Variants in ATRNL1 observed in about 807,000 individuals in gnomAD.
The protein encoded by ATRNL1 is attractin-like protein 1.
Under a neutral mutation model 182.7 loss-of-function variants are expected in ATRNL1, and 95 were observed. The observed-to-expected ratio is 0.52, with a 90% CI of 0.44 to 0.62. The LOEUF is 0.62. Ranked by LOEUF, ATRNL1 falls within the 20% of genes least tolerant of loss-of-function variation. The probability of loss-of-function intolerance (pLI) is 0.00; values close to 1 mark genes in which losing one functional copy is unlikely to be tolerated. For synonymous variants in ATRNL1, 576 were observed against 568.3 expected (o/e 1.01, Z -0.19); for missense variants, 1,471 against 1,679.5 (o/e 0.88, Z 2.17).
chr10:115,737,707 T>C (rs1215027912), intron 27 of ATRNL1, among the ~76,000 whole-genome samples: 1 of 152,134 alleles, frequency 6.6e-6, no homozygotes, highest in African/African-American at 2.4e-5. Context: ...AAGCCATCCA[T>C]TTCCTACAGA....
At chr10:115,164,541 C>T (rs955807552) in intron 6 of ATRNL1, among the ~76,000 whole-genome samples, 52 of 152,178 alleles carry the variant, frequency 3.4e-4, no homozygotes, top group African/African-American at 1.3e-3. Flanking sequence ...AGATTTATTG[C>T]AGCACTATTT....
intron 22 of ATRNL1, among the ~76,000 whole-genome samples, chr10:115,462,517 C>G (rs1847861850): frequency 6.6e-6 from 1 of 151,888 alleles, no homozygotes. Flanking sequence ...GAGGCTGAGG[C>G]AGGAGATTTG....
At chr10:115,794,576 G>C (rs1949605937) in intron 27 of ATRNL1, among the ~76,000 whole-genome samples, 2 of 152,016 alleles carry the variant, frequency 1.3e-5, no homozygotes, top group Admixed American at 1.3e-4. Context: ...ATGGATTTTA[G>C]AATGTCCCTC....
Position 115,865,970 on chromosome 10 carries a change from T to C in ATRNL1, c.4018+17979T>C, listed in dbSNP as rs896146459. ...TAGAAATAGTGACTTTTAAATAGTT[T>C]GTGGATTTTTTTTCTCTAATTCTGC... On this transcript the variant is annotated intron_variant, in intron 28 of 28. Coordinates refer to ENST00000355044, the MANE Select transcript of ATRNL1 (RefSeq NM_207303.4). Among the ~76,000 whole-genome samples, 7 of 152,294 alleles carry C rather than the reference T, an allele frequency of 4.6e-5. No individual in the cohort carries two copies. In the South Asian group the frequency reaches 1.4e-3, roughly 32 times the overall value.
At chr10:115,774,599 C>T (rs1328247227) in intron 27 of ATRNL1, among the ~76,000 whole-genome samples, 1 of 152,074 alleles carries the variant, frequency 6.6e-6, no homozygotes, top group African/African-American at 2.4e-5. Flanking sequence ...CCAATTCAAA[C>T]TTGAGTATGC....
chr10:115,868,923 A>ACGCCATTCTCCG (rs1951508610), intron 28 of ATRNL1, among the ~76,000 whole-genome samples: 2 of 148,406 alleles, frequency 1.3e-5, no homozygotes, highest in African/African-American at 5.0e-5. Context: ...TCCGCCTCCC[A>ACGCCATTCTCCG]GGTTCACGCC....
chr10:115,521,141 G>GTTT (rs1565126657), intron 25 of ATRNL1, among the ~76,000 whole-genome samples: 1 of 134,754 alleles, frequency 7.4e-6, no homozygotes, highest in Non-Finnish European at 1.7e-5. Context: ...AACAACTTTT[G>GTTT]TTGTTGTTGT....
chr10:115,596,855 T>A (rs2133931903), intron 26 of ATRNL1, among the ~76,000 whole-genome samples: 1 of 152,316 alleles, frequency 6.6e-6, no homozygotes, highest in Non-Finnish European at 1.5e-5. Context: ...GAGACATCAA[T>A]CTTTATCAAA....
At chr10:115,797,623 A>ACGTGTGTG (rs1555083316) in intron 27 of ATRNL1, among the ~76,000 whole-genome samples, 1 of 152,174 alleles carries the variant, frequency 6.6e-6, no homozygotes, top group Non-Finnish European at 1.5e-5. Context: ...GTATGTGTGC[A>ACGTGTGTG]CGTGTGTGTA....
At chr10:115,226,647 C>G (rs1355495021) in intron 9 of ATRNL1, among the ~76,000 whole-genome samples, 1 of 151,816 alleles carries the variant, frequency 6.6e-6, no homozygotes, top group Non-Finnish European at 1.5e-5. Flanking sequence ...AAGAACAAAG[C>G]TGGAGGTATC....
intron 26 of ATRNL1, among the ~76,000 whole-genome samples, chr10:115,652,202 C>T (rs1860056040): frequency 6.6e-6 from 1 of 151,658 alleles, no homozygotes; most frequent in Non-Finnish European, 1.5e-5. Flanking sequence ...TCCAAACATA[C>T]CTGCCAGAAA....
chr10:115,945,663 A>T lies in ATRNL1; in HGVS notation c.*884A>T, dbSNP rs1953861912. 1 of 152,204 alleles carries T rather than the reference A, an allele frequency of 6.6e-6. No individual in the cohort carries two copies. The highest frequency in any genetic ancestry group is 2.4e-5 in the African/African-American group (1 of 41,448). 9.4% of individuals were successfully genotyped at this position (152,204 alleles called of 1,614,324 possible). ...GATCAGACCTAAATGATCCATCTGCATTTTTATAAGAATGGATCTTTCTTT... is the reference window on the plus strand; with the variant it reads ...GATCAGACCTAAATGATCCATCTGCTTTTTTATAAGAATGGATCTTTCTTT... On this transcript the variant is annotated 3_prime_UTR_variant, in exon 29 of 29. Transcript: ENST00000355044.
intron 10 of ATRNL1, among the ~76,000 whole-genome samples, chr10:115,246,173 C>CATT (rs1288940761): frequency 6.6e-6 from 1 of 152,036 alleles, no homozygotes; most frequent in Non-Finnish European, 1.5e-5. Context: ...GTGTAGTGTA[C>CATT]ATTAGTATAT....
intron 26 of ATRNL1, among the ~76,000 whole-genome samples, chr10:115,703,407 A>G (rs1946799780): frequency 6.6e-6 from 1 of 152,136 alleles, no homozygotes; most frequent in Admixed American, 6.6e-5. Context: ...AAAATTGACA[A>G]GTCAGATCTA....
chr10:115,688,220 G>A (rs1267414814), intron 26 of ATRNL1, among the ~76,000 whole-genome samples: 4 of 151,900 alleles, frequency 2.6e-5, no homozygotes, highest in South Asian at 2.1e-4. Context: ...TTCATCCATC[G>A]ATGAGCATGT....
chr10:115,490,574 G>T (rs773654257), intron 24 of ATRNL1, among the ~76,000 whole-genome samples: 29 of 152,004 alleles, frequency 1.9e-4, no homozygotes, highest in Non-Finnish European at 3.4e-4. Flanking sequence ...AGCTCCATCA[G>T]GTCATTTATG....
intron 21 of ATRNL1, among the ~76,000 whole-genome samples, chr10:115,433,097 A>C (rs1846244470): frequency 6.6e-6 from 1 of 152,028 alleles, no homozygotes; most frequent in African/African-American, 2.4e-5. Context: ...ACTCTTTAAA[A>C]AATTACTGTT....
At chr10:115,280,940 A>G (rs1208431564) in intron 13 of ATRNL1, among the ~76,000 whole-genome samples, 2 of 152,330 alleles carry the variant, frequency 1.3e-5, no homozygotes, top group South Asian at 2.1e-4. Context: ...TATGATTGCC[A>G]TTTTAATTTG....
intron 26 of ATRNL1, among the ~76,000 whole-genome samples, chr10:115,647,976 G>T (rs925878826): frequency 9.2e-5 from 14 of 152,116 alleles, no homozygotes; most frequent in Non-Finnish European, 1.5e-5. Context: ...TTTAGTATAA[G>T]CTGTAAGGAA....
Sources: allele counts gnomAD v4.1 joint callset (sites outside exome capture counted in the v4.1 genomes callset), GRCh38; gene constraint gnomAD v4.1.1; transcripts MANE v1.5; gene names NCBI Gene and HGNC (gene_info 2026-07-23, HGNC 2026-07-21).